NR6A1: variants seen among roughly 807,000 people sequenced by gnomAD.
NR6A1 encodes retinoic acid receptor-related testis-associated receptor.
Under a neutral mutation model 59.1 loss-of-function variants are expected in NR6A1, and 7 were observed. That is an observed-to-expected ratio of 0.12 (90% CI 0.07 to 0.22). The LOEUF is 0.22. Among genes scored for constraint, NR6A1 ranks in the 10% least tolerant of loss-of-function variants. The pLI is 1.00. For synonymous variants in NR6A1, 243 were observed against 236.1 expected, an observed-to-expected ratio of 1.03 and a Z score of -0.27; for missense variants, 468 against 611.6, an observed-to-expected ratio of 0.77 and a Z score of 2.48.
intron 2 of NR6A1, chr9:124,599,334 G>C (rs552782171): frequency 2.8e-6 from 1 of 360,434 alleles, no homozygotes; most frequent in Non-Finnish European, 5.2e-6. Flanking sequence ...CAGGAGAACC[G>C]CTTGAACCCG....
At chr9:124,740,852 C>T (rs1412630949) in intron 1 of NR6A1, among the ~76,000 whole-genome samples, 1 of 152,092 alleles carries the variant, frequency 6.6e-6, no homozygotes, top group Non-Finnish European at 1.5e-5. Context: ...CTAGTCTCAA[C>T]CCCAAAGATA....
intron 2 of NR6A1, among the ~76,000 whole-genome samples, chr9:124,704,739 A>T (rs903104627): frequency 2.6e-5 from 4 of 151,592 alleles, no homozygotes; most frequent in South Asian, 2.1e-4. Context: ...GTTAAAAAAA[A>T]TTTTTGTGTG....
chr9:124,723,029 T>C (rs1839607442), intron 2 of NR6A1, among the ~76,000 whole-genome samples: 1 of 152,084 alleles, frequency 6.6e-6, no homozygotes, highest in Non-Finnish European at 1.5e-5. Context: ...CTCATATAAA[T>C]ATATATACAT....
intron 1 of NR6A1, among the ~76,000 whole-genome samples, chr9:124,746,037 C>T (rs1840324461): frequency 6.8e-6 from 1 of 147,502 alleles, no homozygotes. Context: ...TTTGGCTAAA[C>T]TGTCTACAAT....
rs531478836 is a variant in NR6A1, at chr9:124,564,260, A to G, written c.143-9690T>C. On this transcript the variant is annotated intron_variant, in intron 2 of 9. Coordinates refer to ENST00000487099, the MANE Select transcript of NR6A1 (RefSeq NM_033334.4). ...GAAACCTATACCAACAATCACACTG[A>G]ATCATAAAATGTTTAAACAAAAAAG... Among the ~76,000 whole-genome samples the G allele has an allele frequency of 6.0e-4, 91 of 152,332 alleles. 1 individual carries two copies. The South Asian group carries it at 0.018, about 31-fold the overall frequency.
intron 2 of NR6A1, among the ~76,000 whole-genome samples, chr9:124,681,715 A>G (rs546367518): frequency 4.3e-4 from 65 of 152,284 alleles, no homozygotes; most frequent in African/African-American, 1.5e-3. Context: ...ACAGGTTCCA[A>G]ATATTTAAAG....
rs990693402 is a variant in NR6A1 at position 124,522,099 on chromosome 9, A to C, written c.*606T>G. 1 of 152,340 alleles carries C rather than the reference A, an allele frequency of 6.6e-6. No homozygotes were observed. Among genetic ancestry groups the C allele is most frequent in the African/African-American group, 2.4e-5 (1 of 41,438 alleles). 9.4% of individuals were successfully genotyped at this position (152,340 alleles called of 1,614,324 possible). A position where few individuals can be genotyped will look rare whatever the true frequency, so the allele number is the denominator to read the frequency against. ...CTTAATTTTCACGCTTTCCAAGGAA[A>C]GGACGTGGCTCAATCCTCACCTCCT... On this transcript the variant is annotated 3_prime_UTR_variant, in exon 10 of 10. Coordinates refer to ENST00000487099, the MANE Select transcript of NR6A1 (RefSeq NM_033334.4).
At chr9:124,755,238 T>C (rs1283168657) in intron 1 of NR6A1, among the ~76,000 whole-genome samples, 1 of 152,192 alleles carries the variant, frequency 6.6e-6, no homozygotes, top group Non-Finnish European at 1.5e-5. Flanking sequence ...AACAACCTTA[T>C]TGCTCACACG....
chr9:124,647,724 CAAA>C (rs35591437), intron 2 of NR6A1, among the ~76,000 whole-genome samples: 4 of 56,060 alleles, frequency 7.1e-5, no homozygotes, highest in Admixed American at 1.9e-4. Context: ...GAGACCGTCT[CAAA>C]AAAAAAAAAA....
At chr9:124,647,226 T>A (rs887496220) in intron 2 of NR6A1, among the ~76,000 whole-genome samples, 4 of 152,034 alleles carry the variant, frequency 2.6e-5, no homozygotes, top group Non-Finnish European at 2.9e-5. Context: ...CCTGGTTTTT[T>A]AAATAGATAA....
intron 2 of NR6A1, among the ~76,000 whole-genome samples, chr9:124,657,394 T>A (rs1410879294): frequency 1.3e-5 from 2 of 152,140 alleles, no homozygotes; most frequent in Non-Finnish European, 2.9e-5. Flanking sequence ...AATTTAGGAC[T>A]CTATAAGCTA....
intron 2 of NR6A1, among the ~76,000 whole-genome samples, chr9:124,579,173 C>G (rs530475781): frequency 6.6e-6 from 1 of 152,364 alleles, no homozygotes; most frequent in Non-Finnish European, 1.5e-5. Flanking sequence ...GTCCCAGCTA[C>G]CTGGGAGGCT....
At chr9:124,720,106 G>A (rs907553725) in intron 2 of NR6A1, among the ~76,000 whole-genome samples, 1 of 152,114 alleles carries the variant, frequency 6.6e-6, no homozygotes, top group South Asian at 2.1e-4. Flanking sequence ...AGAGTGCAAT[G>A]ACGCAATCTC....
rs984302712 is a variant in NR6A1, at chr9:124,554,725, A to G, written c.143-155T>C. ...ATCTTCGGATCCTTGTCCCAAGAGT[A>G]GTCCCTGTATCTGTGGTTGCAGATA... On this transcript the variant is annotated intron_variant, in intron 2 of 9. Coordinates refer to ENST00000487099, the MANE Select transcript of NR6A1 (RefSeq NM_033334.4). Among the ~76,000 whole-genome samples, 14 of 152,192 alleles carry G rather than the reference A, an allele frequency of 9.2e-5. 1 individual carries two copies. The highest frequency in any genetic ancestry group is 1.9e-4 in the Non-Finnish European group (13 of 68,022).
In NR6A1 at chr9:124,733,332, A is replaced by G. The variant is rs900562038; in HGVS notation, c.118T>C (p.Leu40=). The stretch of plus-strand genomic sequence containing the variant: ...CTAGTGCCTGGGTCAAGCTCTGCCA[A>G]TTCATCCTGACAGAAACCTAAAGAG... The part of the protein sequence containing the change: ...PPRNGFCQDE[L]AELDPGTISV... Residue 40 remains leucine, a synonymous_variant, in exon 2 of 10, where the codon TTG becomes CTG. Transcript: ENST00000487099. 1.2e-6 allele frequency: 2 copies of G among 1,613,124 alleles called. No homozygotes were observed. Among genetic ancestry groups the G allele is most frequent in the Admixed American group, 3.3e-5 (2 of 60,030 alleles).
chr9:124,644,716 C>A (rs981965937), intron 2 of NR6A1, among the ~76,000 whole-genome samples: 5 of 152,198 alleles, frequency 3.3e-5, no homozygotes, highest in African/African-American at 1.2e-4. Context: ...GTCTCTATGA[C>A]AGTTTTTACA....
At chr9:124,636,447 C>T (rs1349773542) in intron 2 of NR6A1, among the ~76,000 whole-genome samples, 1 of 152,134 alleles carries the variant, frequency 6.6e-6, no homozygotes, top group Non-Finnish European at 1.5e-5. Context: ...CATTGTTTCA[C>T]AGATTGTGCC....
chr9:124,536,213 G>C (rs937898599), intron 6 of NR6A1, 81 bp from the exon 7 acceptor site: 4 of 1,490,458 alleles, frequency 2.7e-6, no homozygotes, highest in Non-Finnish European at 3.6e-6. Flanking sequence ...TAGTCCCAAG[G>C]GCACAAAGGG....
At chr9:124,541,865 C>T (rs1464463003) in intron 4 of NR6A1, among the ~76,000 whole-genome samples, 1 of 152,152 alleles carries the variant, frequency 6.6e-6, no homozygotes, top group African/African-American at 2.4e-5. Flanking sequence ...CTGTTATAAG[C>T]TATACCAAGG....
Sources: gnomAD v4.1 joint callset for allele counts (sites outside exome capture counted in the v4.1 genomes callset) on GRCh38, gnomAD v4.1.1 for gene constraint, MANE v1.5 for transcripts, NCBI Gene and HGNC (gene_info 2026-07-23, HGNC 2026-07-21) for gene names.